CENPP: variants seen among roughly 807,000 people sequenced by gnomAD.
The protein encoded by CENPP is centromere protein P.
In CENPP, 24 loss-of-function variants were observed where a neutral mutation model predicts 35.6. The observed-to-expected ratio is 0.67, with a 90% CI of 0.49 to 0.95. CENPP has a LOEUF of 0.95. CENPP is among the 40% of genes least tolerant of loss of function. The pLI, the probability that CENPP is intolerant of heterozygous loss-of-function variation, is 0.00. For synonymous variants in CENPP, 120 were observed against 125.5 expected (o/e 0.96, Z 0.29); for missense variants, 332 against 345.3 (o/e 0.96, Z 0.31).
At chr9:92,386,163 G>T in intron 5 of CENPP, 1 of 1,426,272 alleles carries the variant, frequency 7.0e-7, no homozygotes, top group Non-Finnish European at 9.9e-7. Flanking sequence ...TGACTCATAG[G>T]TAATTAGAGT....
chr9:92,615,788 C>A lies in CENPP; in HGVS notation c.*2639C>A. 7.0e-7 allele frequency: 1 copy of A among 1,431,630 alleles called. No individual in the cohort carries two copies. Among genetic ancestry groups the A allele is most frequent in the Non-Finnish European group, 9.8e-7 (1 of 1,016,050 alleles). 88.7% of individuals were successfully genotyped at this position (1,431,630 alleles called of 1,614,324 possible). The stretch of plus-strand genomic sequence containing the variant: ...AACAGAAAATATCTCTATCATTCAG[C>A]CTTCACATTATGTTCAAGTTTCAAA... On this transcript the variant is annotated 3_prime_UTR_variant, in exon 8 of 8. Transcript: ENST00000375587.
At chr9:92,343,926 G>A (rs1841199339) in intron 3 of CENPP, among the ~76,000 whole-genome samples, 1 of 135,472 alleles carries the variant, frequency 7.4e-6, no homozygotes, top group Non-Finnish European at 1.5e-5. Flanking sequence ...TTGAACGACT[G>A]CATTCCAGCC....
intron 5 of CENPP, among the ~76,000 whole-genome samples, chr9:92,545,951 T>C (rs1849432753): frequency 6.6e-6 from 1 of 151,882 alleles, no homozygotes; most frequent in African/African-American, 2.4e-5. Context: ...CAATCAGCAC[T>C]CTGTCTAGCT....
chr9:92,542,308 T>C (rs1387216506), intron 5 of CENPP, among the ~76,000 whole-genome samples: 1 of 152,224 alleles, frequency 6.6e-6, no homozygotes, highest in East Asian at 1.9e-4. Context: ...TTATCAGATA[T>C]ATAGTTTGCA....
At chr9:92,386,882 T>TA (rs2130882350) in intron 5 of CENPP, among the ~76,000 whole-genome samples, 1 of 150,076 alleles carries the variant, frequency 6.7e-6, no homozygotes, top group East Asian at 2.0e-4. Context: ...ATGCCCGGCC[T>TA]AAAAAAATAC....
chr9:92,359,915 T>G (rs1365514863), intron 4 of CENPP, among the ~76,000 whole-genome samples: 1 of 152,080 alleles, frequency 6.6e-6, no homozygotes, highest in South Asian at 2.1e-4. Context: ...TACTAAGAGC[T>G]GAAATTTGCT....
intron 5 of CENPP, chr9:92,493,967 G>T: frequency 3.3e-6 from 3 of 904,538 alleles, no homozygotes; most frequent in Admixed American, 2.3e-5. Flanking sequence ...GTTGAGGGTG[G>T]CCGTAGTCTC....
chr9:92,440,429 T>C (rs1355999937), intron 5 of CENPP, among the ~76,000 whole-genome samples: 1 of 152,052 alleles, frequency 6.6e-6, no homozygotes, highest in East Asian at 1.9e-4. Flanking sequence ...TACGAATTTG[T>C]GTTGGGCCAC....
At chr9:92,501,916 A>G (rs1178079317) in intron 5 of CENPP, among the ~76,000 whole-genome samples, 3 of 152,232 alleles carry the variant, frequency 2.0e-5, no homozygotes, top group African/African-American at 7.2e-5. Context: ...CCAGGAAGAC[A>G]GAGTCTACTT....
At chr9:92,507,686 G>A (rs117105366) in intron 5 of CENPP, among the ~76,000 whole-genome samples, 62 of 152,262 alleles carry the variant, frequency 4.1e-4, no homozygotes, top group Non-Finnish European at 6.8e-4. Flanking sequence ...CAGCCTCCAG[G>A]GCTCCTGATT....
intron 4 of CENPP, among the ~76,000 whole-genome samples, chr9:92,360,285 T>G (rs531385565): frequency 2.0e-5 from 3 of 152,326 alleles, no homozygotes; most frequent in African/African-American, 4.8e-5. Context: ...TATAACCACA[T>G]GGATCACTTC....
intron 5 of CENPP, among the ~76,000 whole-genome samples, chr9:92,405,681 T>C (rs1434075152): frequency 6.6e-6 from 1 of 152,186 alleles, no homozygotes; most frequent in Admixed American, 6.6e-5. Context: ...TAACAAGATA[T>C]TGAGAAGTAA....
intron 4 of CENPP, among the ~76,000 whole-genome samples, chr9:92,379,231 A>C (rs1210341590): frequency 6.6e-6 from 1 of 152,224 alleles, no homozygotes; most frequent in South Asian, 2.1e-4. Context: ...CTCCCAGTAC[A>C]TCAGTGTATT....
chr9:92,417,701 AT>A (rs1220546627), intron 5 of CENPP: 2 of 605,986 alleles, frequency 3.3e-6, no homozygotes, highest in African/African-American at 3.8e-5. Context: ...TCCAGAAAGA[AT>A]GGGCAGTGCT....
Position 92,588,373 on chromosome 9 carries a change from G to A in CENPP, c.565-22941G>A, listed in dbSNP as rs1564013023. ...CACCATTCTCCTGCCTCAGTCTCCC[G>A]AGTAGCTGGGACTACAGACGCCCGG... is the stretch of plus-strand genomic sequence containing the variant. On this transcript the variant is annotated intron_variant, in intron 5 of 7. Coordinates refer to ENST00000375587, the MANE Select transcript of CENPP (RefSeq NM_001012267.3). 6.6e-5 allele frequency among the ~76,000 whole-genome samples: 10 copies of A among 151,036 alleles called. No individual in the cohort carries two copies. The South Asian group carries it at 1.9e-3, about 29-fold the overall frequency.
chr9:92,373,569 TG>T (rs1306950962), intron 4 of CENPP, among the ~76,000 whole-genome samples: 1 of 152,164 alleles, frequency 6.6e-6, no homozygotes, highest in Non-Finnish European at 1.5e-5. Flanking sequence ...GGCTCACGCC[TG>T]TAACCCCAGC....
chr9:92,595,351 C>T (rs182776853), intron 5 of CENPP, among the ~76,000 whole-genome samples: 12 of 152,268 alleles, frequency 7.9e-5, no homozygotes, highest in African/African-American at 2.9e-4. Context: ...AACTGATCCT[C>T]CCACCTCAGC....
chr9:92,603,634 G>A (rs1397330025), intron 5 of CENPP, among the ~76,000 whole-genome samples: 1 of 151,768 alleles, frequency 6.6e-6, no homozygotes, highest in Non-Finnish European at 1.5e-5. Flanking sequence ...GATCACCCCC[G>A]ACACACCTCT....
At chr9:92,532,780 G>C (rs1212482222) in intron 5 of CENPP, among the ~76,000 whole-genome samples, 1 of 151,890 alleles carries the variant, frequency 6.6e-6, no homozygotes, top group Non-Finnish European at 1.5e-5. Flanking sequence ...TGTGTCTGAA[G>C]ACTAGGTTTT....
Sources: gnomAD v4.1 joint callset for allele counts (sites outside exome capture counted in the v4.1 genomes callset) on GRCh38, gnomAD v4.1.1 for gene constraint, MANE v1.5 for transcripts, NCBI Gene and HGNC (gene_info 2026-07-23, HGNC 2026-07-21) for gene names.